Variants in KCNT2 observed in about 807,000 individuals in gnomAD.
KCNT2 encodes the protein potassium channel subfamily T member 2.
A neutral mutation model predicts 153.8 loss-of-function variants in KCNT2; 67 were observed. The ratio of observed to expected loss-of-function variants is 0.44; its 90% CI spans 0.36 to 0.53. The LOEUF is 0.53. KCNT2 is among the 20% of genes least tolerant of loss of function. The pLI is 0.00. For missense variants in KCNT2, 975 were observed against 1,354.8 expected, an observed-to-expected ratio of 0.72 and a Z score of 4.40; for synonymous variants, 500 against 458.8, an observed-to-expected ratio of 1.09 and a Z score of -1.15.
At chr1:196,455,358 T>A (rs930940976) in intron 8 of KCNT2, among the ~76,000 whole-genome samples, 1 of 152,046 alleles carries the variant, frequency 6.6e-6, no homozygotes, top group Non-Finnish European at 1.5e-5. Flanking sequence ...ACATAATTTA[T>A]AAGTCAATTG....
intron 13 of KCNT2, among the ~76,000 whole-genome samples, chr1:196,396,880 T>A (rs190624994): frequency 6.6e-6 from 1 of 151,372 alleles, no homozygotes; most frequent in Non-Finnish European, 1.5e-5. Flanking sequence ...GATCTCTCGA[T>A]GGAAGCATAC....
intron 1 of KCNT2, among the ~76,000 whole-genome samples, chr1:196,514,378 G>C (rs1194625157): frequency 6.6e-6 from 1 of 151,232 alleles, no homozygotes; most frequent in Non-Finnish European, 1.5e-5. Flanking sequence ...ACTAATATTG[G>C]GGCTGATTTG....
chr1:196,491,270 A>G (rs780575792), intron 2 of KCNT2, among the ~76,000 whole-genome samples: 2 of 152,024 alleles, frequency 1.3e-5, no homozygotes, highest in African/African-American at 2.4e-5. Context: ...CTGAACAACC[A>G]TGTTAGAAAA....
At chr1:196,301,971 T>C (rs141735299) in intron 22 of KCNT2, among the ~76,000 whole-genome samples, 7,571 of 152,116 alleles carry the variant, frequency 0.05, 285 homozygotes, top group Non-Finnish European at 0.072. Flanking sequence ...AACTCCTGAC[T>C]TCACGTGATC....
chr1:196,600,596 A>G (rs1159503371), intron 1 of KCNT2, among the ~76,000 whole-genome samples: 2 of 152,226 alleles, frequency 1.3e-5, no homozygotes, highest in Non-Finnish European at 2.9e-5. Flanking sequence ...CTTGGTTTCT[A>G]TGTTATGGAG....
chr1:196,348,274 A>C (rs1007018088), intron 14 of KCNT2, among the ~76,000 whole-genome samples: 4 of 152,106 alleles, frequency 2.6e-5, no homozygotes, highest in Non-Finnish European at 5.9e-5. Flanking sequence ...ATATCAATTT[A>C]GTGTTGTAAT....
intron 1 of KCNT2, among the ~76,000 whole-genome samples, chr1:196,509,798 A>AGAGT (rs1339478958): frequency 6.6e-6 from 1 of 152,232 alleles, no homozygotes; most frequent in Non-Finnish European, 1.5e-5. Flanking sequence ...GACAATGATG[A>AGAGT]GAGTGTGCCA....
intron 21 of KCNT2, among the ~76,000 whole-genome samples, chr1:196,311,324 A>G (rs1384362474): frequency 6.6e-6 from 1 of 151,780 alleles, no homozygotes; most frequent in Non-Finnish European, 1.5e-5. Context: ...TAGATGCTCA[A>G]TAAACCTAGG....
At chr1:196,243,202 T>C (rs1407862201) in intron 26 of KCNT2, among the ~76,000 whole-genome samples, 1 of 152,182 alleles carries the variant, frequency 6.6e-6, no homozygotes, top group African/African-American at 2.4e-5. Flanking sequence ...TGAATCTACT[T>C]TGATACTAAT....
At chr1:196,504,826 T>C (rs1166258971) in intron 1 of KCNT2, among the ~76,000 whole-genome samples, 4 of 152,264 alleles carry the variant, frequency 2.6e-5, no homozygotes, top group Non-Finnish European at 5.9e-5. Flanking sequence ...TGCATTTCTC[T>C]GATGGCCAGT....
intron 1 of KCNT2, among the ~76,000 whole-genome samples, chr1:196,504,266 G>A (rs1680941743): frequency 7.5e-6 from 1 of 133,128 alleles, no homozygotes; most frequent in Admixed American, 9.0e-5. Flanking sequence ...CCCAGAGTGT[G>A]ATGTTCCCCT....
At chr1:196,550,806 G>A (rs1164943000) in intron 1 of KCNT2, among the ~76,000 whole-genome samples, 1 of 151,738 alleles carries the variant, frequency 6.6e-6, no homozygotes, top group Admixed American at 6.6e-5. Flanking sequence ...GGGGGCAGTA[G>A]AAGGGTAAAA....
At chr1:196,518,668 A>G (rs760343786) in intron 1 of KCNT2, among the ~76,000 whole-genome samples, 8 of 152,176 alleles carry the variant, frequency 5.3e-5, no homozygotes, top group Admixed American at 1.3e-4. Context: ...ACAAACAACA[A>G]AAATGATGGA....
At chr1:196,514,020 T>C (rs1275204886) in intron 1 of KCNT2, among the ~76,000 whole-genome samples, 1 of 152,190 alleles carries the variant, frequency 6.6e-6, no homozygotes, top group Admixed American at 6.5e-5. Context: ...AATGCATCAT[T>C]AATAACATCT....
chr1:196,328,832 A>G (rs1664152376), intron 18 of KCNT2, among the ~76,000 whole-genome samples: 2 of 152,100 alleles, frequency 1.3e-5, no homozygotes, highest in Admixed American at 1.3e-4. Flanking sequence ...CTAAGGTATA[A>G]GAAAGAATAG....
At chr1:196,286,583 C>G (rs1333346638) in intron 22 of KCNT2, among the ~76,000 whole-genome samples, 1 of 151,662 alleles carries the variant, frequency 6.6e-6, no homozygotes, top group African/African-American at 2.4e-5. Flanking sequence ...TAAATTGCAT[C>G]TGGTATATCA....
intron 1 of KCNT2, among the ~76,000 whole-genome samples, chr1:196,536,455 A>G (rs960164227): frequency 2.0e-5 from 3 of 152,200 alleles, no homozygotes; most frequent in Admixed American, 6.5e-5. Flanking sequence ...GTTTCAAACA[A>G]TATGGTGTCA....
chr1:196,237,136 G>T (rs1654515351), intron 26 of KCNT2, among the ~76,000 whole-genome samples: 1 of 151,578 alleles, frequency 6.6e-6, no homozygotes, highest in Non-Finnish European at 1.5e-5. Context: ...TCAAATAACT[G>T]CATTAAACTA....
At chr1:196,375,660 A>G (rs1454169791) in intron 13 of KCNT2, among the ~76,000 whole-genome samples, 2 of 151,624 alleles carry the variant, frequency 1.3e-5, no homozygotes, top group Non-Finnish European at 1.5e-5. Flanking sequence ...AGAATATTAT[A>G]CTAACTTTTT....
Sources: gnomAD v4.1 joint callset for allele counts (sites outside exome capture counted in the v4.1 genomes callset) on GRCh38, gnomAD v4.1.1 for gene constraint, MANE v1.5 for transcripts, NCBI Gene and HGNC (gene_info 2026-07-23, HGNC 2026-07-21) for gene names.